Variants in RNF14 observed in about 807,000 individuals in gnomAD.
RNF14 encodes the protein E3 ubiquitin-protein ligase RNF14.
RNF14 carries 26 observed loss-of-function variants against 52.6 expected under a neutral mutation model. That is an observed-to-expected ratio of 0.49 (90% CI 0.36 to 0.69). The LOEUF (loss-of-function observed/expected upper bound fraction) is 0.69. RNF14 is among the 30% of genes least tolerant of loss of function. RNF14 has a pLI of 0.00. For synonymous variants in RNF14, 194 were observed against 202.0 expected, an observed-to-expected ratio of 0.96 and a Z score of 0.34; for missense variants, 404 against 560.4, an observed-to-expected ratio of 0.72 and a Z score of 2.82.
chr5:141,951,533 G>A, the RNF14 span: 2,086 of 1,614,208 alleles, frequency 1.3e-3, 33 homozygotes, highest in African/African-American at 0.025. Context: ...TTTCCTCGGT[G>A]GTTTGGTTTG....
chr5:141,970,144 A>G (rs1753616391), intron 1 of RNF14, among the ~76,000 whole-genome samples: 1 of 152,228 alleles, frequency 6.6e-6, no homozygotes, highest in Non-Finnish European at 1.5e-5. Context: ...GATTCTCCGT[A>G]GCCCATCTAT....
upstream of RNF14, among the ~76,000 whole-genome samples, chr5:141,967,195 T>C (rs1042805102): frequency 6.6e-6 from 1 of 152,192 alleles, no homozygotes; most frequent in Non-Finnish European, 1.5e-5. Flanking sequence ...CTCTCCTGGG[T>C]ATAAGACCAA....
intron 8 of RNF14, 122 bp downstream of exon 8, chr5:141,985,055 C>A (rs754445626): frequency 3.4e-6 from 3 of 894,206 alleles, no homozygotes; most frequent in Non-Finnish European, 3.4e-6. Context: ...ACATGTTTTC[C>A]CCTATAAAGG....
At chr5:141,957,385 A>T (rs1484684676), upstream of RNF14, 1 of 1,613,848 alleles carries the variant, frequency 6.2e-7, no homozygotes, top group South Asian at 1.1e-5. The surrounding 1 kb of genome is among the most constrained non-coding windows in gnomAD (Gnocchi z 4.3). Flanking sequence ...AGCTCTGTCC[A>T]GGGGGATCCG....
intron 8 of RNF14, among the ~76,000 whole-genome samples, chr5:141,987,291 G>T (rs1195203542): frequency 2.0e-5 from 3 of 152,186 alleles, no homozygotes; most frequent in Non-Finnish European, 4.4e-5. Context: ...TCAGTTGGTT[G>T]TGGGGCTTAG....
At chr5:141,955,776 C>A, upstream of RNF14, 1 of 1,613,860 alleles carries the variant, frequency 6.2e-7, no homozygotes, top group Non-Finnish European at 8.5e-7. The surrounding 1 kb of genome is among the most constrained non-coding windows in gnomAD (Gnocchi z 5.5). Flanking sequence ...CAAACATGAC[C>A]CTCAACAGGG....
At chr5:141,950,676 C>T in the RNF14 span, among the ~76,000 whole-genome samples, 4 of 152,170 alleles carry the variant, frequency 2.6e-5, no homozygotes, top group Non-Finnish European at 4.4e-5. Context: ...TACCTCTCAC[C>T]ATCCTTGTAA....
At chr5:141,950,030 T>G in the RNF14 span, among the ~76,000 whole-genome samples, 1 of 152,212 alleles carries the variant, frequency 6.6e-6, no homozygotes, top group Non-Finnish European at 1.5e-5. Flanking sequence ...TTTGCCTGTC[T>G]CATTGCCTGC....
In RNF14 at chr5:141,973,726, C is replaced by T. The variant is rs1412197315; in HGVS notation, c.138C>T (p.Phe46=). ...TCTATTTGGATTTGCCACAGAATTT[C>T]AAGATATTTGTGAGCGGTTAGTTAA... ...TRIYLDLPQN[F]KIFVSGNSNE... is the part of the protein sequence containing the mutation. Residue 46 remains phenylalanine (F), a synonymous_variant, in exon 3 of 9, where the codon TTC becomes TTT. Coordinates refer to ENST00000394520, the MANE Select transcript of RNF14 (RefSeq NM_004290.5). The T allele has an allele frequency of 3.1e-6, 5 of 1,606,896 alleles. No homozygotes were observed. The highest frequency in any genetic ancestry group is 4.2e-6 in the Non-Finnish European group (5 of 1,178,002).
At chr5:141,957,384 C>T (rs908733832), upstream of RNF14, 2 of 1,613,652 alleles carry the variant, frequency 1.2e-6, no homozygotes, top group Non-Finnish European at 1.7e-6. The surrounding 1 kb of genome is among the most constrained non-coding windows in gnomAD (Gnocchi z 4.3). Flanking sequence ...GAGCTCTGTC[C>T]AGGGGGATCC....
intron 4 of RNF14, among the ~76,000 whole-genome samples, chr5:141,975,291 A>G (rs937317059): frequency 6.6e-6 from 1 of 152,234 alleles, no homozygotes; most frequent in Non-Finnish European, 1.5e-5. Context: ...AGACATTGAT[A>G]CTACTTTTCT....
the RNF14 span, chr5:141,951,440 A>C: frequency 6.3e-5 from 84 of 1,333,040 alleles, no homozygotes; most frequent in African/African-American, 1.0e-3. Flanking sequence ...TGCAGTGATG[A>C]GGGGCGGCCA....
At chr5:141,971,510 G>A (rs1037996955) in intron 2 of RNF14, among the ~76,000 whole-genome samples, 66 of 150,116 alleles carry the variant, frequency 4.4e-4, no homozygotes, top group African/African-American at 1.4e-3. Flanking sequence ...CTGGGATTAC[G>A]GGCATGAGCC....
At chr5:141,967,930 C>G (rs1410735827), upstream of RNF14, among the ~76,000 whole-genome samples, 1 of 152,200 alleles carries the variant, frequency 6.6e-6, no homozygotes, top group African/African-American at 2.4e-5. Flanking sequence ...TATCACTGCT[C>G]TCTAATTCCA....
intron 2 of RNF14, among the ~76,000 whole-genome samples, chr5:141,972,536 A>T (rs954326886): frequency 6.6e-6 from 1 of 152,166 alleles, no homozygotes; most frequent in Non-Finnish European, 1.5e-5. Context: ...TCAAAATGTC[A>T]ATAGAGCTGA....
Position 141,978,455 on chromosome 5 carries a change from A to T in RNF14, c.459A>T (p.Lys153Asn). Residue 153 changes from lysine (K) to asparagine (N), a missense_variant, in exon 5 of 9, where the codon AAA becomes AAT. Transcript: ENST00000394520. ...AGCTCAAGATTGGTTCTCAGAAAAA[A>T]GTGCAGAGAAGGACAGCTCAAGCTT... is the stretch of plus-strand genomic sequence containing the variant. Reference protein sequence around the residue: ...PFELKIGSQKKVQRRTAQASP... With the variant: ...PFELKIGSQKNVQRRTAQASP... 1 of 1,614,220 alleles carries T rather than the reference A, an allele frequency of 6.2e-7. No homozygotes were observed. Among genetic ancestry groups the T allele is most frequent in the Non-Finnish European group, 8.5e-7 (1 of 1,180,048 alleles).
intron 5 of RNF14, 57 bp from the exon 6 acceptor site, chr5:141,980,066 A>G: frequency 5.0e-6 from 7 of 1,395,572 alleles, no homozygotes; most frequent in South Asian, 2.3e-5. Flanking sequence ...GAATCGCCTC[A>G]GGTTCAGAAC....
rs1194223114 is a variant in RNF14 at position 141,974,920 on chromosome 5, T to C, written c.271T>C (p.Phe91Leu). The C allele has an allele frequency of 6.2e-7, 1 of 1,613,904 alleles. No individual in the cohort carries two copies. Among genetic ancestry groups the C allele is most frequent in the Non-Finnish European group, 8.5e-7 (1 of 1,179,984 alleles). The part of the protein sequence containing the change: ...PDYPSSSPPS[F>L]TLSGKWLSPT... ...TTATCCATCCTCTTCCCCACCTTCA[T>C]TCACACTTAGTGGCAAATGGCTGTC... Residue 91 changes from phenylalanine (F) to leucine (L), a missense_variant, in exon 4 of 9, where the codon TTC (phenylalanine) becomes CTC (leucine). Coordinates refer to ENST00000394520, the MANE Select transcript of RNF14 (RefSeq NM_004290.5).
At chr5:141,978,928 G>A (rs1344762709) in intron 5 of RNF14, 98 bp downstream of exon 5, 10 of 1,291,278 alleles carry the variant, frequency 7.7e-6, no homozygotes, top group East Asian at 2.3e-5. Context: ...GGGGCAGTCC[G>A]AGGCCTTGGA....
Sources: gnomAD v4.1 joint callset for allele counts (sites outside exome capture counted in the v4.1 genomes callset) on GRCh38, gnomAD v4.1.1 for gene constraint, Gnocchi (gnomAD v3.1) non-coding constraint, MANE v1.5 for transcripts, NCBI Gene and HGNC (gene_info 2026-07-23, HGNC 2026-07-21) for gene names.